The following CDH4 variants were observed in gnomAD, a reference collection of about 807,000 sequenced individuals.
CDH4 encodes the protein cadherin 4.
CDH4 carries 33 observed loss-of-function variants against 86.0 expected under a neutral mutation model. The observed-to-expected ratio is 0.38, with a 90% CI of 0.29 to 0.51. The LOEUF is 0.51. Ranked by LOEUF, CDH4 falls within the 20% of genes least tolerant of loss-of-function variation. CDH4 has a pLI of 0.86. For missense variants in CDH4, 1,114 were observed against 1,307.4 expected (o/e 0.85, Z 2.28); for synonymous variants, 555 against 549.4 (o/e 1.01, Z -0.14).
intron 4 of CDH4, among the ~76,000 whole-genome samples, chr20:61,820,045 C>A (rs370680119): frequency 8.7e-4 from 132 of 152,352 alleles, no homozygotes; most frequent in African/African-American, 2.9e-3. Flanking sequence ...TCCTCCCGCA[C>A]TCTCCCATCC....
At chr20:61,570,811 G>A (rs376900810) in intron 2 of CDH4, 62 of 701,648 alleles carry the variant, frequency 8.8e-5, no homozygotes, top group African/African-American at 3.8e-4. Context: ...TCTCTGCCGC[G>A]CCAGGGGGTT....
intron 2 of CDH4, among the ~76,000 whole-genome samples, chr20:61,460,266 C>T (rs1423613159): frequency 6.6e-6 from 1 of 152,128 alleles, no homozygotes; most frequent in Non-Finnish European, 1.5e-5. Context: ...GGAAGGGAAA[C>T]CTGCAATCAA....
chr20:61,898,601 CACACACAT>C (rs2122882725), intron 8 of CDH4, among the ~76,000 whole-genome samples: 1 of 152,276 alleles, frequency 6.6e-6, no homozygotes, highest in South Asian at 2.1e-4. Flanking sequence ...CCACCCCATC[CACACACAT>C]GCTCACGGAG....
chr20:61,626,054 C>G (rs1290405259), intron 2 of CDH4, among the ~76,000 whole-genome samples: 1 of 152,254 alleles, frequency 6.6e-6, no homozygotes, highest in Non-Finnish European at 1.5e-5. Flanking sequence ...GCACACTTAG[C>G]CCCTGCAATA....
intron 2 of CDH4, among the ~76,000 whole-genome samples, chr20:61,332,085 AAC>A (rs1268514532): frequency 1.3e-5 from 2 of 152,134 alleles, no homozygotes; most frequent in African/African-American, 4.8e-5. Context: ...CCTGGCTGAG[AAC>A]ACAGACACTC....
rs560300698 is a variant in CDH4, at chr20:61,449,453, C to T, written c.169+194516C>T. On this transcript the variant is annotated intron_variant, in intron 2 of 15. Coordinates refer to ENST00000614565, the MANE Select transcript of CDH4 (RefSeq NM_001794.5). ...CGCTAATAAGGACTATCCAGCCTGCCTTCTAGTCTCTCTCCGTAGCCTGTG... is the reference window on the plus strand; with the variant it reads ...CGCTAATAAGGACTATCCAGCCTGCTTTCTAGTCTCTCTCCGTAGCCTGTG... Among the ~76,000 whole-genome samples, 26 of 152,376 alleles carry T rather than the reference C, an allele frequency of 1.7e-4. 1 individual carries two copies. The South Asian group carries it at 4.8e-3, about 28-fold the overall frequency.
At chr20:61,300,971 C>G (rs1038258804) in intron 2 of CDH4, among the ~76,000 whole-genome samples, 1 of 152,214 alleles carries the variant, frequency 6.6e-6, no homozygotes, top group Admixed American at 6.5e-5. Context: ...GCAGGGCCCT[C>G]CCACCTCCTC....
At chr20:61,713,803 C>T (rs1483047044) in intron 2 of CDH4, among the ~76,000 whole-genome samples, 2 of 152,144 alleles carry the variant, frequency 1.3e-5, no homozygotes, top group African/African-American at 4.8e-5. Flanking sequence ...GAAAGCAGCC[C>T]CTACGTGGTT....
Position 61,501,766 on chromosome 20 carries a change from T to C in CDH4, c.170-241797T>C, listed in dbSNP as rs937537964. On this transcript the variant is annotated intron_variant, in intron 2 of 15. Coordinates refer to ENST00000614565, the MANE Select transcript of CDH4 (RefSeq NM_001794.5). The surrounding 1 kb of genome is among the most constrained non-coding windows in gnomAD (Gnocchi z 4.2). Reference sequence around the variant, plus strand: ...CACCATTCGTTAGGGAGCCACTCATTATGGGACGGACCACCAGACGCGACT... The same window carrying C: ...CACCATTCGTTAGGGAGCCACTCATCATGGGACGGACCACCAGACGCGACT... Among the ~76,000 whole-genome samples the C allele has an allele frequency of 6.6e-6, 1 of 152,160 alleles. No individual in the cohort carries two copies. Among genetic ancestry groups the C allele is most frequent in the African/African-American group, 2.4e-5 (1 of 41,444 alleles).
At chr20:61,367,054 G>A (rs527434624) in intron 2 of CDH4, among the ~76,000 whole-genome samples, 9 of 152,224 alleles carry the variant, frequency 5.9e-5, no homozygotes, top group African/African-American at 1.9e-4. Flanking sequence ...TGCTGACAGA[G>A]AGCCATGCCG....
At chr20:61,729,285 G>A (rs746683935) in intron 2 of CDH4, among the ~76,000 whole-genome samples, 5 of 152,200 alleles carry the variant, frequency 3.3e-5, no homozygotes, top group East Asian at 1.9e-4. Flanking sequence ...ACTGTGCTTC[G>A]TTCCAGTGGG....
In CDH4 at chr20:61,651,131, A is replaced by G. The variant is rs561314889; in HGVS notation, c.170-92432A>G. Reference sequence around the variant, plus strand: ...GAGTTAGCACCGTGCTTGGCCGTGCACTGGTGTGCTCGTGTGAGTGAGTTA... The same window carrying G: ...GAGTTAGCACCGTGCTTGGCCGTGCGCTGGTGTGCTCGTGTGAGTGAGTTA... On this transcript the variant is annotated intron_variant, in intron 2 of 15. Transcript: ENST00000614565. Among the ~76,000 whole-genome samples the G allele has an allele frequency of 8.6e-5, 13 of 150,944 alleles. 1 individual carries two copies. The highest frequency in any genetic ancestry group is 3.2e-4 in the African/African-American group (13 of 40,832).
chr20:61,534,661 C>CTTTCTTTTTTTTTTTTT (rs2085981815), intron 2 of CDH4, among the ~76,000 whole-genome samples: 1 of 89,300 alleles, frequency 1.1e-5, no homozygotes, highest in Non-Finnish European at 1.9e-5. Context: ...TTCTTTCTTT[C>CTTTCTTTTTTTTTTTTT]TTTCTTTTTT....
intron 8 of CDH4, among the ~76,000 whole-genome samples, chr20:61,899,066 G>C (rs1236889761): frequency 1.3e-5 from 2 of 152,188 alleles, no homozygotes; most frequent in East Asian, 3.9e-4. Context: ...GGAGGCCAAG[G>C]TGGGTGGATC....
At chr20:61,729,471 AG>A (rs2088152927) in intron 2 of CDH4, among the ~76,000 whole-genome samples, 4 of 152,218 alleles carry the variant, frequency 2.6e-5, no homozygotes, top group Admixed American at 2.6e-4. Context: ...AATTAGTGCC[AG>A]AACCTAGAGA....
At chr20:61,569,988 T>C (rs2086329969) in intron 2 of CDH4, 1 of 152,422 alleles carries the variant, frequency 6.6e-6, no homozygotes, top group South Asian at 2.1e-4. Context: ...TCTCTTTAGC[T>C]GGCCGCTCAC....
At chr20:61,652,858 T>G (rs951182744) in intron 2 of CDH4, among the ~76,000 whole-genome samples, 79 of 141,388 alleles carry the variant, frequency 5.6e-4, no homozygotes, top group African/African-American at 1.5e-3. Context: ...AATTTTTTTT[T>G]GGGGGGGGGA....
intron 2 of CDH4, among the ~76,000 whole-genome samples, chr20:61,545,441 C>T (rs1351761859): frequency 6.6e-6 from 1 of 152,216 alleles, no homozygotes; most frequent in Non-Finnish European, 1.5e-5. Flanking sequence ...GGGAAGGACG[C>T]TGACCCCGGC....
At chr20:61,421,185 A>G (rs569856539) in intron 2 of CDH4, among the ~76,000 whole-genome samples, 119 of 152,278 alleles carry the variant, frequency 7.8e-4, no homozygotes, top group Non-Finnish European at 1.4e-3. Context: ...CCTGGGGCCG[A>G]TGTCTTCCCC....
Sources: gnomAD v4.1 joint callset for allele counts (sites outside exome capture counted in the v4.1 genomes callset) on GRCh38, gnomAD v4.1.1 for gene constraint, Gnocchi (gnomAD v3.1) non-coding constraint, MANE v1.5 for transcripts, NCBI Gene and HGNC (gene_info 2026-07-23, HGNC 2026-07-21) for gene names.